The following GALC variants were observed in gnomAD, a reference collection of about 807,000 sequenced individuals.
GALC encodes the protein galactocerebrosidase.
A neutral mutation model predicts 91.8 loss-of-function variants in GALC; 77 were observed. The observed-to-expected ratio is 0.84, with a 90% CI of 0.70 to 1.01. The LOEUF is 1.01. Ranked by LOEUF, GALC falls within the 50% of genes least tolerant of loss-of-function variation. The pLI is 0.00. For missense variants in GALC, 882 were observed against 855.9 expected (o/e 1.03, Z -0.38); for synonymous variants, 357 against 306.7 (o/e 1.16, Z -1.71).
At chr14:87,955,446 C>A (rs1044807004) in intron 10 of GALC, among the ~76,000 whole-genome samples, 1 of 152,000 alleles carries the variant, frequency 6.6e-6, no homozygotes, top group Non-Finnish European at 1.5e-5. Context: ...TGTAGCAGAT[C>A]CCTGGGAATT....
At chr14:87,970,445 T>A (rs557547138) in intron 7 of GALC, among the ~76,000 whole-genome samples, 1 of 152,086 alleles carries the variant, frequency 6.6e-6, no homozygotes, top group Admixed American at 6.6e-5. Flanking sequence ...AGGTGATATA[T>A]CCTTCATTCA....
intron 15 of GALC, 113 bp downstream of exon 15, chr14:87,941,282 G>T: frequency 1.4e-6 from 1 of 736,868 alleles, no homozygotes; most frequent in Non-Finnish European, 2.3e-6. Context: ...CCAATTAGAT[G>T]TCCAAACACC....
intron 10 of GALC, chr14:87,954,486 G>C (rs143163179): frequency 3.2e-6 from 5 of 1,570,178 alleles, no homozygotes; most frequent in Non-Finnish European, 4.4e-6. Context: ...TTTGTTCAGC[G>C]CAATTACACA....
chr14:87,967,480 C>G (rs1022817039), intron 8 of GALC, among the ~76,000 whole-genome samples: 1 of 152,068 alleles, frequency 6.6e-6, no homozygotes, highest in Non-Finnish European at 1.5e-5. Context: ...TACAGCAACC[C>G]ACATTAACAT....
chr14:87,933,907 A>C lies in GALC; in HGVS notation c.*825T>G. 8.0e-7 allele frequency: 1 copy of C among 1,256,124 alleles called. No individual in the cohort carries two copies. Among genetic ancestry groups the C allele is most frequent in the Non-Finnish European group, 1.1e-6 (1 of 892,750 alleles). 77.8% of individuals were successfully genotyped at this position (1,256,124 alleles called of 1,614,324 possible). Reference sequence around the variant, plus strand: ...CTGTGTGAGTCTGTTACCAGTGCACATGTGAGGACAGACCACAGCACAGTG... The same window carrying C: ...CTGTGTGAGTCTGTTACCAGTGCACCTGTGAGGACAGACCACAGCACAGTG... On this transcript the variant is annotated 3_prime_UTR_variant, in exon 17 of 17. Transcript: ENST00000261304.
intron 8 of GALC, among the ~76,000 whole-genome samples, chr14:87,966,864 A>G (rs1886077055): frequency 6.6e-6 from 1 of 152,204 alleles, no homozygotes; most frequent in African/African-American, 2.4e-5. Context: ...TAAAACAGAG[A>G]CAACTTCCAA....
At chr14:87,992,433 G>C in intron 1 of GALC, 1 of 1,535,322 alleles carries the variant, frequency 6.5e-7, no homozygotes, top group Non-Finnish European at 8.7e-7. Context: ...CCTATTCGGC[G>C]CTACCCTCTC....
chr14:87,991,656 A>C (rs1887206570), intron 1 of GALC, among the ~76,000 whole-genome samples: 1 of 152,232 alleles, frequency 6.6e-6, no homozygotes, highest in African/African-American at 2.4e-5. Flanking sequence ...ATGTTGCAAG[A>C]ATTTTCATTA....
chr14:87,940,624 A>C (rs1375513389), intron 15 of GALC, among the ~76,000 whole-genome samples: 2 of 151,990 alleles, frequency 1.3e-5, no homozygotes, highest in Non-Finnish European at 2.9e-5. Context: ...TCAGATTGGT[A>C]ATGCTATGAA....
At chr14:87,977,998 T>C (rs1886574697) in intron 6 of GALC, among the ~76,000 whole-genome samples, 1 of 152,120 alleles carries the variant, frequency 6.6e-6, no homozygotes, top group Non-Finnish European at 1.5e-5. Context: ...TTCAGTAGGA[T>C]TGAGAACCCC....
At chr14:87,942,446 A>C (rs1046986648) in intron 14 of GALC, among the ~76,000 whole-genome samples, 2 of 151,970 alleles carry the variant, frequency 1.3e-5, no homozygotes, top group African/African-American at 2.4e-5. Flanking sequence ...TCCTCTTACA[A>C]ATGCTACCAG....
chr14:87,938,584 A>G (rs1273432813), intron 16 of GALC, among the ~76,000 whole-genome samples: 3 of 152,022 alleles, frequency 2.0e-5, no homozygotes, highest in Admixed American at 6.6e-5. Context: ...CCATTGTAAT[A>G]AATGATGGCT....
chr14:87,946,137 C>A (rs1885061997), intron 13 of GALC, among the ~76,000 whole-genome samples: 1 of 152,006 alleles, frequency 6.6e-6, no homozygotes, highest in South Asian at 2.1e-4. Flanking sequence ...GTACATAAGC[C>A]AGCACCTGGC....
intron 6 of GALC, among the ~76,000 whole-genome samples, chr14:87,977,651 C>T (rs936907830): frequency 3.3e-5 from 5 of 152,170 alleles, no homozygotes; most frequent in African/African-American, 1.2e-4. Flanking sequence ...TGGCACATAG[C>T]AGCAGATGCT....
chr14:87,954,827 A>G, intron 10 of GALC: 4 of 1,606,534 alleles, frequency 2.5e-6, no homozygotes, highest in Non-Finnish European at 3.4e-6. Flanking sequence ...ACAGATAAGA[A>G]CAGGATCTAC....
At chr14:87,950,312 T>C (rs1885249197) in intron 11 of GALC, among the ~76,000 whole-genome samples, 1 of 151,944 alleles carries the variant, frequency 6.6e-6, no homozygotes, top group Non-Finnish European at 1.5e-5. Context: ...TTCACAGAAA[T>C]AGCAAGTATC....
chr14:87,954,998 T>C (rs1364051449), intron 10 of GALC: 1 of 1,390,312 alleles, frequency 7.2e-7, no homozygotes, highest in Admixed American at 1.7e-5. Context: ...CTCAACAGAG[T>C]GATAGTTACT....
intron 10 of GALC, chr14:87,954,137 T>C: frequency 5.0e-6 from 8 of 1,608,150 alleles, no homozygotes; most frequent in African/African-American, 1.3e-5. Context: ...GTGTAGTTAG[T>C]GATGTTGTAC....
intron 10 of GALC, among the ~76,000 whole-genome samples, chr14:87,957,038 C>T (rs1885588759): frequency 6.6e-6 from 1 of 151,782 alleles, no homozygotes; most frequent in Admixed American, 6.6e-5. Flanking sequence ...TTTTTTTTAA[C>T]TGTTTTTCTG....
Sources: gnomAD v4.1 joint callset for allele counts (sites outside exome capture counted in the v4.1 genomes callset) on GRCh38, gnomAD v4.1.1 for gene constraint, MANE v1.5 for transcripts, NCBI Gene and HGNC (gene_info 2026-07-23, HGNC 2026-07-21) for gene names.